Variants in DCAF8L2 observed in about 807,000 individuals in gnomAD.
DCAF8L2 encodes the protein DDB1- and CUL4-associated factor 8-like protein 2.
For missense variants in DCAF8L2, 430 were observed against 490.7 expected, an observed-to-expected ratio of 0.88 and a Z score of 1.17; for synonymous variants, 200 against 190.9, an observed-to-expected ratio of 1.05 and a Z score of -0.39.
chrX:27,516,746 G>A, the DCAF8L2 span, among the ~76,000 whole-genome samples: 4 of 111,688 alleles, frequency 3.6e-5, no homozygotes, highest in Non-Finnish European at 5.6e-5. Context: ...TACACACTCC[G>A]TTGTGTTTGA....
chrX:27,732,861 T>A (rs192403154), intron 4 of DCAF8L2, among the ~76,000 whole-genome samples: 58 of 110,764 alleles, frequency 5.2e-4, no homozygotes, highest in East Asian at 5.1e-3. Context: ...TCCCTTTTTT[T>A]AAAAAAAATT....
chrX:27,582,497 C>CA, the DCAF8L2 span, among the ~76,000 whole-genome samples: 1 of 110,796 alleles, frequency 9.0e-6, no homozygotes, highest in Non-Finnish European at 1.9e-5. Context: ...CTGGTTAGTT[C>CA]TTTTATAGCT....
chrX:27,519,278 T>C, the DCAF8L2 span: 69,785 of 998,959 alleles, frequency 0.07, 2,104 homozygotes, highest in Non-Finnish European at 0.083. Flanking sequence ...GCTCTAGAAC[T>C]GGATCAAGAA....
At chrX:27,476,398 A>G in the DCAF8L2 span, among the ~76,000 whole-genome samples, 1 of 111,790 alleles carries the variant, frequency 8.9e-6, no homozygotes, top group Middle Eastern at 4.6e-3. Flanking sequence ...GAACTTCCTG[A>G]TTAATTAGAA....
At chrX:27,704,238 G>A (rs909684913) in intron 3 of DCAF8L2, among the ~76,000 whole-genome samples, 6 of 84,638 alleles carry the variant, frequency 7.1e-5, no homozygotes, top group Non-Finnish European at 1.3e-4. Flanking sequence ...GTGTACACAC[G>A]TGCGCACATA....
chrX:27,728,826 A>G (rs1435467642), intron 4 of DCAF8L2, among the ~76,000 whole-genome samples: 1 of 111,949 alleles, frequency 8.9e-6, no homozygotes, highest in Non-Finnish European at 1.9e-5. Context: ...CCATCCAGTC[A>G]TTCCTATCCT....
At chrX:27,622,967 A>G (rs760006918) in intron 1 of DCAF8L2, among the ~76,000 whole-genome samples, 5 of 112,144 alleles carry the variant, frequency 4.5e-5, no homozygotes, top group Non-Finnish European at 7.5e-5. Context: ...AATGCAAAGT[A>G]GTTGGTTAAA....
At chrX:27,490,597 G>A in the DCAF8L2 span, among the ~76,000 whole-genome samples, 1 of 110,278 alleles carries the variant, frequency 9.1e-6, no homozygotes. Context: ...GAGTAGCTGG[G>A]ACTACAGGCG....
At chrX:27,511,929 A>C in the DCAF8L2 span, among the ~76,000 whole-genome samples, 1 of 111,593 alleles carries the variant, frequency 9.0e-6, no homozygotes, top group Admixed American at 9.6e-5. Flanking sequence ...ACAACAACAA[A>C]AAACCTCTAG....
chrX:27,634,362 T>A (rs1428714999), intron 2 of DCAF8L2, among the ~76,000 whole-genome samples: 3 of 111,799 alleles, frequency 2.7e-5, no homozygotes, highest in Non-Finnish European at 5.6e-5. Context: ...CCTTCCAGAT[T>A]CAGTTCATAT....
chrX:27,542,669 A>G, the DCAF8L2 span, among the ~76,000 whole-genome samples: 2 of 100,324 alleles, frequency 2.0e-5, no homozygotes, highest in African/African-American at 7.3e-5. Flanking sequence ...CAGCCTCCCA[A>G]GTAGCTGGGA....
the DCAF8L2 span, among the ~76,000 whole-genome samples, chrX:27,505,218 A>C: frequency 1.8e-5 from 2 of 111,355 alleles, no homozygotes; most frequent in African/African-American, 6.5e-5. Context: ...CAGATGAAAA[A>C]ACAACTGGTA....
chrX:27,576,511 G>A, the DCAF8L2 span, among the ~76,000 whole-genome samples: 1 of 111,935 alleles, frequency 8.9e-6, no homozygotes, highest in Admixed American at 9.5e-5. Flanking sequence ...AGTGGTGATG[G>A]TTTAAAAAGG....
At chrX:27,469,895 A>G in the DCAF8L2 span, among the ~76,000 whole-genome samples, 1 of 110,262 alleles carries the variant, frequency 9.1e-6, no homozygotes. Context: ...CAGTCTCCCA[A>G]GTAGTTGGGA....
the DCAF8L2 span, among the ~76,000 whole-genome samples, chrX:27,470,322 A>T: frequency 8.9e-6 from 1 of 112,273 alleles, no homozygotes; most frequent in African/African-American, 3.2e-5. Flanking sequence ...ACAGCCTTCA[A>T]TGTAAAATGA....
upstream of DCAF8L2, among the ~76,000 whole-genome samples, chrX:27,588,647 G>GTT (rs76299462): frequency 1.8e-5 from 2 of 109,914 alleles, no homozygotes; most frequent in African/African-American, 6.6e-5. Context: ...AGCATATGTT[G>GTT]TTTTTTTACT....
Position 27,716,168 on chromosome X carries a change from A to T in DCAF8L2, c.-62A>T, listed in dbSNP as rs1931696443. On this transcript the variant is annotated 5_prime_UTR_variant, in exon 4 of 5. Transcript: ENST00000451261. ...GGGGAAATCTCTAATTGCTACTGAC[A>T]CAGGTGAGTGGCATGGGTAGCAAAT... 1.8e-5 allele frequency: 2 copies of T among 111,958 alleles called. No homozygotes were observed. Among genetic ancestry groups the T allele is most frequent in the Non-Finnish European group, 3.8e-5 (2 of 53,272 alleles). The allele number at this position is 111,958 out of a possible 1,213,427, so 9.2% of individuals were successfully genotyped here.
chrX:27,528,476 G>GTACA, the DCAF8L2 span, among the ~76,000 whole-genome samples: 1 of 83,454 alleles, frequency 1.2e-5, no homozygotes, highest in Non-Finnish European at 2.3e-5. Flanking sequence ...ATGTGTATGT[G>GTACA]TATATATATA....
At chrX:27,666,118 G>A (rs1395453910) in intron 2 of DCAF8L2, among the ~76,000 whole-genome samples, 2 of 111,373 alleles carry the variant, frequency 1.8e-5, no homozygotes, top group African/African-American at 6.5e-5. Flanking sequence ...TATATTTTTT[G>A]TGTTCTGACG....
Sources: allele counts gnomAD v4.1 joint callset (sites outside exome capture counted in the v4.1 genomes callset), GRCh38; gene constraint gnomAD v4.1.1; transcripts MANE v1.5; gene names NCBI Gene and HGNC (gene_info 2026-07-23, HGNC 2026-07-21).